The following SH3BP5 variants were observed in gnomAD, a reference collection of about 807,000 sequenced individuals.
The protein encoded by SH3BP5 is SH3 domain binding protein 5, also known as SH3 domain-binding protein 5.
A neutral mutation model predicts 43.3 loss-of-function variants in SH3BP5; 22 were observed. That is an observed-to-expected ratio of 0.51 (90% CI 0.36 to 0.73). The LOEUF is 0.73. SH3BP5 is among the 30% of genes least tolerant of loss of function. The pLI, the probability that SH3BP5 is intolerant of heterozygous loss-of-function variation, is 0.00. For missense variants in SH3BP5, 529 were observed against 586.9 expected, an observed-to-expected ratio of 0.90 and a Z score of 1.02; for synonymous variants, 255 against 225.8, an observed-to-expected ratio of 1.13 and a Z score of -1.16.
In SH3BP5 at chr3:15,332,367, G is replaced by C. The variant is rs367875443; in HGVS notation, c.42C>G (p.Ala14=). The stretch of plus-strand genomic sequence containing the variant: ...CGTCCCGGGCAGGCGGCAGGATTTC[G>C]GCTGGCTCCTCCGAGCGGCTCCGCT... ...ALKRSRSEEP[A]EILPPARDEE... The change falls in exon 1 of 9, where the codon GCC becomes GCG. Residue 14 remains alanine (A), a synonymous_variant. Coordinates refer to ENST00000383791, the MANE Select transcript of SH3BP5 (RefSeq NM_004844.5). 7.1e-6 allele frequency: 11 copies of C among 1,540,086 alleles called. No individual in the cohort carries two copies. The highest frequency in any genetic ancestry group is 2.0e-5 in the Admixed American group (1 of 51,120).
chr3:15,266,250 T>C (rs1371588216), intron 4 of SH3BP5, among the ~76,000 whole-genome samples: 1 of 152,202 alleles, frequency 6.6e-6, no homozygotes, highest in East Asian at 1.9e-4. Context: ...TTCTTCCCAC[T>C]GTGTGGAAGG....
intron 2 of SH3BP5, among the ~76,000 whole-genome samples, chr3:15,313,800 T>C (rs1488947395): frequency 6.6e-6 from 1 of 152,124 alleles, no homozygotes; most frequent in Admixed American, 6.5e-5. Context: ...CTGAGTTTTG[T>C]ATTTTACTTA....
At chr3:15,270,090 C>T (rs1480485821) in intron 3 of SH3BP5, among the ~76,000 whole-genome samples, 4 of 152,218 alleles carry the variant, frequency 2.6e-5, no homozygotes, top group Non-Finnish European at 5.9e-5. Flanking sequence ...ACAATTTCCA[C>T]AGTTCTGGGC....
At chr3:15,257,321 T>C (rs934255944) in intron 7 of SH3BP5, 5 of 565,104 alleles carry the variant, frequency 8.8e-6, no homozygotes, top group African/African-American at 7.5e-5. Context: ...CAGGATCCCA[T>C]GGATATTAAG....
chr3:15,296,682 G>A (rs1347878094), intron 3 of SH3BP5, among the ~76,000 whole-genome samples: 6 of 138,430 alleles, frequency 4.3e-5, no homozygotes, highest in South Asian at 2.3e-4. Flanking sequence ...CTCCACTTAC[G>A]AAGTGTTTTT....
intron 7 of SH3BP5, 74 bp from the exon 8 acceptor site, chr3:15,257,187 G>T (rs1696241527): frequency 1.4e-6 from 2 of 1,472,850 alleles, no homozygotes; most frequent in African/African-American, 2.9e-5. Flanking sequence ...GCTGCTGGCA[G>T]GCAGCTAGAC....
chr3:15,294,290 A>AGTGTGTGT (rs10522979), intron 3 of SH3BP5, among the ~76,000 whole-genome samples: 42 of 138,230 alleles, frequency 3.0e-4, no homozygotes, highest in Middle Eastern at 7.5e-3. Context: ...TGCAAAAGTA[A>AGTGTGTGT]GTGTGTGTGT....
intron 2 of SH3BP5, 133 bp downstream of exon 2, chr3:15,330,371 C>T: frequency 1.4e-6 from 1 of 738,002 alleles, no homozygotes. Context: ...TTTATTCTGT[C>T]AGGGAGCTGT....
chr3:15,306,191 C>T (rs1342823080), intron 2 of SH3BP5, among the ~76,000 whole-genome samples: 1 of 147,348 alleles, frequency 6.8e-6, no homozygotes, highest in Non-Finnish European at 1.5e-5. Flanking sequence ...CCCATCTCTA[C>T]TAAAAATACA....
chr3:15,289,346 A>C (rs905505196), intron 3 of SH3BP5, among the ~76,000 whole-genome samples: 3 of 152,220 alleles, frequency 2.0e-5, no homozygotes, highest in Admixed American at 6.5e-5. Context: ...TTTAAAATAG[A>C]AGGGACATAT....
chr3:15,304,605 A>C (rs995379021), intron 2 of SH3BP5, among the ~76,000 whole-genome samples: 1 of 152,136 alleles, frequency 6.6e-6, no homozygotes, highest in Non-Finnish European at 1.5e-5. Flanking sequence ...ACTTGAGGTC[A>C]GGAGTTGGAG....
chr3:15,332,026 C>T (rs1275603740), intron 1 of SH3BP5: 7 of 564,942 alleles, frequency 1.2e-5, no homozygotes, highest in Non-Finnish European at 2.1e-5. Context: ...GCACCGACCC[C>T]GATCCTGCTA....
intron 2 of SH3BP5, among the ~76,000 whole-genome samples, chr3:15,305,238 T>C (rs946436650): frequency 2.0e-5 from 3 of 152,222 alleles, no homozygotes; most frequent in Non-Finnish European, 4.4e-5. Flanking sequence ...GACAGCATGT[T>C]GTCAAAGCTC....
At chr3:15,325,599 G>A (rs547386026) in intron 2 of SH3BP5, among the ~76,000 whole-genome samples, 1 of 152,090 alleles carries the variant, frequency 6.6e-6, no homozygotes, top group Non-Finnish European at 1.5e-5. Flanking sequence ...TTTTTATTGC[G>A]TTTTCCACCC....
At chr3:15,286,725 T>C (rs1697275408) in intron 3 of SH3BP5, among the ~76,000 whole-genome samples, 1 of 152,026 alleles carries the variant, frequency 6.6e-6, no homozygotes, top group African/African-American at 2.4e-5. Flanking sequence ...AGTTAATTTT[T>C]TGTATAGATG....
chr3:15,282,808 A>G (rs920599689), intron 3 of SH3BP5, among the ~76,000 whole-genome samples: 2 of 152,076 alleles, frequency 1.3e-5, no homozygotes, highest in Non-Finnish European at 2.9e-5. Flanking sequence ...TAATCAAGGA[A>G]AAAGCTAGAG....
At chr3:15,334,826 C>A (rs1273326661), upstream of SH3BP5, among the ~76,000 whole-genome samples, 1 of 151,920 alleles carries the variant, frequency 6.6e-6, no homozygotes, top group Non-Finnish European at 1.5e-5. Flanking sequence ...GTGGCTCATG[C>A]CTGTAGTCAC....
chr3:15,305,774 C>T (rs768208318), intron 2 of SH3BP5, among the ~76,000 whole-genome samples: 19 of 152,094 alleles, frequency 1.2e-4, no homozygotes, highest in African/African-American at 3.9e-4. Flanking sequence ...TAAGGGTGGC[C>T]ATCCATCCTG....
chr3:15,333,324 G>A (rs1431302043), upstream of SH3BP5: 3 of 957,822 alleles, frequency 3.1e-6, no homozygotes, highest in African/African-American at 1.8e-5. Context: ...GATGTCAGGG[G>A]AACGCAAAGG....
Sources: gnomAD v4.1 joint callset for allele counts (sites outside exome capture counted in the v4.1 genomes callset) on GRCh38, gnomAD v4.1.1 for gene constraint, MANE v1.5 for transcripts, NCBI Gene and HGNC (gene_info 2026-07-23, HGNC 2026-07-21) for gene names.